The following FERMT2 variants were observed in gnomAD, a reference collection of about 807,000 sequenced individuals.
FERMT2 encodes the protein fermitin family homolog 2.
FERMT2 carries 15 observed loss-of-function variants against 82.7 expected under a neutral mutation model. That is an observed-to-expected ratio of 0.18 (90% confidence interval 0.12 to 0.28). The LOEUF (loss-of-function observed/expected upper bound fraction) is 0.28, where lower values mean the gene tolerates loss of function less well. Ranked by LOEUF, FERMT2 falls within the 10% of genes least tolerant of loss-of-function variation. FERMT2 has a pLI of 1.00. For missense variants in FERMT2, 645 were observed against 809.4 expected (o/e 0.80, Z 2.46); for synonymous variants, 274 against 271.5 (o/e 1.01, Z -0.09).
At chr14:52,880,554 A>G (rs1886229470) in intron 6 of FERMT2, among the ~76,000 whole-genome samples, 1 of 152,100 alleles carries the variant, frequency 6.6e-6, no homozygotes, top group Non-Finnish European at 1.5e-5. Flanking sequence ...GTGTGCCACC[A>G]TGCGTGGCTA....
At chr14:52,948,635 T>C in intron 2 of FERMT2, 1 of 449,868 alleles carries the variant, frequency 2.2e-6, no homozygotes, top group South Asian at 1.6e-5. Context: ...TATAGTCATT[T>C]AAATTAACAT....
At chr14:52,917,104 G>T (rs914775007) in intron 3 of FERMT2, among the ~76,000 whole-genome samples, 1 of 152,148 alleles carries the variant, frequency 6.6e-6, no homozygotes, top group East Asian at 1.9e-4. Context: ...CAATTTGACA[G>T]TACTCTGAAA....
In FERMT2 at chr14:52,909,469, T is replaced by G. The variant is rs149794708; in HGVS notation, c.391+9654A>C. On this transcript the variant is annotated intron_variant, in intron 3 of 14. Transcript: ENST00000341590. ...TAACTTCTTATGTGAAAAAGAAGGC[T>G]CTTATTAGTTTAAGGCACTGTTAAA... 4.3e-3 allele frequency among the ~76,000 whole-genome samples: 654 copies of G among 152,300 alleles called. 6 individuals are homozygous for G. The highest frequency in any genetic ancestry group is 0.015 in the African/African-American group (627 of 41,556).
chr14:52,939,120 A>T (rs1889977462), intron 2 of FERMT2, among the ~76,000 whole-genome samples: 1 of 149,520 alleles, frequency 6.7e-6, no homozygotes, highest in Admixed American at 6.7e-5. Context: ...TTTGGGAGGC[A>T]GAGGTGGGTG....
At chr14:52,922,893 C>T (rs1475726156) in intron 2 of FERMT2, among the ~76,000 whole-genome samples, 5 of 152,092 alleles carry the variant, frequency 3.3e-5, no homozygotes, top group South Asian at 2.1e-4. Flanking sequence ...CTGAGAAATG[C>T]GATGTTTGGC....
intron 3 of FERMT2, among the ~76,000 whole-genome samples, chr14:52,913,843 T>C (rs1888464980): frequency 6.6e-6 from 1 of 152,202 alleles, no homozygotes; most frequent in Admixed American, 6.5e-5. Flanking sequence ...AATTAATGCA[T>C]AAAACATTTT....
chr14:52,943,988 A>G (rs1244779608), intron 2 of FERMT2, among the ~76,000 whole-genome samples: 1 of 152,200 alleles, frequency 6.6e-6, no homozygotes, highest in Non-Finnish European at 1.5e-5. Flanking sequence ...ACAGTTTTTT[A>G]CTTTAAAAAA....
At chr14:52,872,329 G>T (rs980559180) in intron 10 of FERMT2, 6 of 156,370 alleles carry the variant, frequency 3.8e-5, no homozygotes, top group Admixed American at 3.2e-4. Flanking sequence ...GCTAAGGTGG[G>T]CAGATCAATT....
chr14:52,918,667 T>C (rs1020282832), intron 3 of FERMT2, among the ~76,000 whole-genome samples: 1 of 152,154 alleles, frequency 6.6e-6, no homozygotes, highest in African/African-American at 2.4e-5. Flanking sequence ...AATGCATAAA[T>C]AGAAATACTA....
In FERMT2 at chr14:52,858,561, G is replaced by A; in HGVS notation, c.1870-11C>T. ...AAACTCTACGGTGACCTGGAACAAA[G>A]ACAAGAGCCATCAGTGCTGTCCCAA... is the stretch of plus-strand genomic sequence containing the variant. On this transcript the variant is annotated splice_polypyrimidine_tract_variant and intron_variant, in intron 14 of 14. Coordinates refer to ENST00000341590, the MANE Select transcript of FERMT2 (RefSeq NM_006832.3). 6.2e-7 allele frequency: 1 copy of A among 1,613,550 alleles called. No homozygotes were observed. The highest frequency in any genetic ancestry group is 8.5e-7 in the Non-Finnish European group (1 of 1,179,656).
intron 2 of FERMT2, among the ~76,000 whole-genome samples, chr14:52,935,763 C>T (rs910730018): frequency 3.3e-5 from 5 of 152,182 alleles, no homozygotes; most frequent in South Asian, 2.1e-4. Context: ...TTCTACATAG[C>T]TAGTTGAAAA....
chr14:52,875,132 C>T (rs1298657314), intron 8 of FERMT2, 91 bp downstream of exon 8: 21 of 1,091,522 alleles, frequency 1.9e-5, no homozygotes, highest in Non-Finnish European at 2.8e-5. Flanking sequence ...TATTTCTCTC[C>T]ACCACCCCCA....
At chr14:52,902,116 G>A (rs1429178406) in intron 3 of FERMT2, among the ~76,000 whole-genome samples, 2 of 152,196 alleles carry the variant, frequency 1.3e-5, no homozygotes, top group African/African-American at 4.8e-5. Flanking sequence ...TGAGAGGCCG[G>A]GCACGGTGGC....
Position 52,943,203 on chromosome 14 carries a change from T to C in FERMT2, c.157+7209A>G, listed in dbSNP as rs181389676. Among the ~76,000 whole-genome samples, 184 of 111,378 alleles carry C rather than the reference T, an allele frequency of 1.7e-3. 17 individuals carry two copies. The highest frequency in any genetic ancestry group is 2.3e-3 in the Non-Finnish European group (120 of 51,638). 73.1% of individuals were successfully genotyped at this position (111,378 alleles called of 152,430 possible). A position where few individuals can be genotyped will look rare whatever the true frequency, so the allele number is the denominator to read the frequency against. ...AGCCTGGGTGACAAGAGCAAAACTC[T>C]GTCTCAAAAGAAAAAAAAATCACTC... On this transcript the variant is annotated intron_variant, in intron 2 of 14. Transcript: ENST00000341590.
intron 12 of FERMT2, among the ~76,000 whole-genome samples, chr14:52,864,002 A>G (rs10144517): frequency 0.019 from 2,775 of 148,946 alleles, 73 homozygotes; most frequent in African/African-American, 0.064. Flanking sequence ...AATGATAAAG[A>G]TTTTTTTTTT....
chr14:52,887,030 A>G (rs1886653707), intron 4 of FERMT2, among the ~76,000 whole-genome samples: 1 of 152,212 alleles, frequency 6.6e-6, no homozygotes, highest in South Asian at 2.1e-4. Flanking sequence ...AAAAAAATGA[A>G]TATGTAATCC....
intron 2 of FERMT2, among the ~76,000 whole-genome samples, chr14:52,930,123 C>T (rs891933893): frequency 6.6e-6 from 1 of 151,836 alleles, no homozygotes; most frequent in African/African-American, 2.4e-5. Flanking sequence ...CTGAAGAATC[C>T]ATTTTATCTT....
intron 3 of FERMT2, among the ~76,000 whole-genome samples, chr14:52,904,625 G>A (rs990812869): frequency 4.6e-5 from 7 of 151,544 alleles, no homozygotes; most frequent in Admixed American, 3.3e-4. Flanking sequence ...CCTGGGAGGT[G>A]GAGGTTGCAT....
intron 2 of FERMT2, among the ~76,000 whole-genome samples, chr14:52,940,317 T>C (rs1011744984): frequency 1.3e-5 from 2 of 152,226 alleles, no homozygotes; most frequent in African/African-American, 4.8e-5. Context: ...TTACTGCTTA[T>C]CTCTTTTTCT....
Sources: gnomAD v4.1 joint callset for allele counts (sites outside exome capture counted in the v4.1 genomes callset) on GRCh38, gnomAD v4.1.1 for gene constraint, MANE v1.5 for transcripts, NCBI Gene and HGNC (gene_info 2026-07-23, HGNC 2026-07-21) for gene names.